The following HTR4 variants were observed in gnomAD, a reference collection of about 807,000 sequenced individuals.
The protein encoded by HTR4 is 5-hydroxytryptamine (serotonin) receptor 4, G protein-coupled.
In HTR4, 16 loss-of-function variants were observed where a neutral mutation model predicts 36.8. The observed-to-expected ratio is 0.43, with a 90% confidence interval of 0.29 to 0.66. The LOEUF (loss-of-function observed/expected upper bound fraction) is 0.66. Ranked by LOEUF, HTR4 falls within the 30% of genes least tolerant of loss-of-function variation. The pLI, the probability that HTR4 is intolerant of heterozygous loss-of-function variation, is 0.13. For missense variants in HTR4, 438 were observed against 490.9 expected (o/e 0.89, Z 1.02); for synonymous variants, 189 against 185.1 (o/e 1.02, Z -0.17).
chr5:148,620,366 T>C (rs1257147122), intron 2 of HTR4, among the ~76,000 whole-genome samples: 1 of 152,212 alleles, frequency 6.6e-6, no homozygotes, highest in Non-Finnish European at 1.5e-5. Flanking sequence ...CCAGTGGGGA[T>C]GGCAGTAGGA....
intron 2 of HTR4, among the ~76,000 whole-genome samples, chr5:148,604,484 T>A (rs1382228457): frequency 1.3e-5 from 2 of 152,190 alleles, no homozygotes; most frequent in Non-Finnish European, 2.9e-5. Context: ...GCCTGTGATC[T>A]AAGCAAACCT....
chr5:148,644,906 A>C (rs1235572113), intron 1 of HTR4: 2 of 152,186 alleles, frequency 1.3e-5, no homozygotes, highest in Admixed American at 6.5e-5. Flanking sequence ...CAGGGAAATG[A>C]AGCAACACCA....
chr5:148,614,672 T>G (rs1348460687), intron 2 of HTR4, among the ~76,000 whole-genome samples: 1 of 151,946 alleles, frequency 6.6e-6, no homozygotes, highest in Non-Finnish European at 1.5e-5. Flanking sequence ...AAAGACAAAA[T>G]TGACAAATGG....
At chr5:148,648,718 G>A (rs1392026829) in intron 1 of HTR4, among the ~76,000 whole-genome samples, 3 of 151,752 alleles carry the variant, frequency 2.0e-5, no homozygotes, top group African/African-American at 4.9e-5. Context: ...GGATGAGCCC[G>A]TGGCAACTAT....
chr5:148,644,421 A>ATTTTTTTTTTTTTTTTTT (rs1753815914), intron 1 of HTR4, among the ~76,000 whole-genome samples: 1 of 85,850 alleles, frequency 1.2e-5, no homozygotes, highest in African/African-American at 4.5e-5. Flanking sequence ...CAAGCTCACA[A>ATTTTTTTTTTTTTTTTTT]GTTTTTTTTT....
At chr5:148,558,499 G>A (rs1760055363) in intron 2 of HTR4, among the ~76,000 whole-genome samples, 13 of 152,106 alleles carry the variant, frequency 8.5e-5, no homozygotes, top group Admixed American at 7.9e-4. Flanking sequence ...TTACAAGCTA[G>A]GACTGCCATT....
intron 2 of HTR4, among the ~76,000 whole-genome samples, chr5:148,584,653 G>A (rs1369609493): frequency 1.3e-5 from 2 of 152,090 alleles, no homozygotes; most frequent in Non-Finnish European, 2.9e-5. Context: ...TTGTTTGGGG[G>A]CACCAATATG....
chr5:148,607,430 C>T (rs1012920396), intron 2 of HTR4, among the ~76,000 whole-genome samples: 2 of 152,190 alleles, frequency 1.3e-5, no homozygotes, highest in African/African-American at 2.4e-5. Context: ...CATGAATTGA[C>T]TGAAGATACT....
At chr5:148,457,699 T>G (rs956319584) in intron 5 of HTR4, among the ~76,000 whole-genome samples, 1 of 146,386 alleles carries the variant, frequency 6.8e-6, no homozygotes, top group Admixed American at 6.9e-5. Flanking sequence ...TTTTGATATA[T>G]CATTAAAATA....
intron 1 of HTR4, among the ~76,000 whole-genome samples, chr5:148,639,276 A>G (rs1213088363): frequency 1.3e-5 from 2 of 151,994 alleles, no homozygotes; most frequent in Admixed American, 6.6e-5. Flanking sequence ...CACACTTAGC[A>G]TACAATCCAA....
At chr5:148,456,680 G>C (rs578034560) in intron 5 of HTR4, among the ~76,000 whole-genome samples, 2 of 152,310 alleles carry the variant, frequency 1.3e-5, no homozygotes, top group South Asian at 4.1e-4. Flanking sequence ...TTCAGAAAAT[G>C]TGAGTTTCCT....
chr5:148,576,129 A>AAAAAAAAAAT (rs1760904399), intron 2 of HTR4, among the ~76,000 whole-genome samples: 1 of 143,880 alleles, frequency 7.0e-6, no homozygotes, highest in Non-Finnish European at 1.5e-5. Flanking sequence ...AAAAAAAAAA[A>AAAAAAAAAAT]AAAACAAAAT....
At chr5:148,646,043 G>T (rs1273425969) in intron 1 of HTR4, 1 of 152,240 alleles carries the variant, frequency 6.6e-6, no homozygotes, top group Non-Finnish European at 1.5e-5. Context: ...GAATTATGCT[G>T]TTGACAGCAG....
At chr5:148,474,176 C>T (rs886970940), downstream of HTR4, among the ~76,000 whole-genome samples, 2 of 152,158 alleles carry the variant, frequency 1.3e-5, no homozygotes, top group African/African-American at 2.4e-5. Context: ...CTCTGCTCAG[C>T]GAGCCAAGGC....
chr5:148,636,327 T>G (rs1753534492), intron 2 of HTR4, among the ~76,000 whole-genome samples: 1 of 152,224 alleles, frequency 6.6e-6, no homozygotes, highest in South Asian at 2.1e-4. Flanking sequence ...TTCCAGCTAC[T>G]GATATCTATG....
intron 2 of HTR4, among the ~76,000 whole-genome samples, chr5:148,632,482 T>TA (rs1753358710): frequency 6.6e-6 from 1 of 152,040 alleles, no homozygotes; most frequent in Non-Finnish European, 1.5e-5. Flanking sequence ...AGCAAGAGGA[T>TA]AGAGAGCTCA....
chr5:148,519,479 G>T (rs1358812368), intron 5 of HTR4, among the ~76,000 whole-genome samples: 1 of 152,180 alleles, frequency 6.6e-6, no homozygotes, highest in African/African-American at 2.4e-5. Flanking sequence ...GTAGGTTTCT[G>T]CCTTGGGCAT....
chr5:148,638,110 A>T (rs1753610171), intron 1 of HTR4, among the ~76,000 whole-genome samples: 1 of 152,210 alleles, frequency 6.6e-6, no homozygotes, highest in Non-Finnish European at 1.5e-5. Context: ...GGGTGAGCTA[A>T]ACAGATGTGG....
intron 2 of HTR4, among the ~76,000 whole-genome samples, chr5:148,565,062 A>G (rs2113871967): frequency 6.6e-6 from 1 of 151,574 alleles, no homozygotes; most frequent in East Asian, 1.9e-4. Flanking sequence ...GTAAGCCAAT[A>G]TCACACCACT....
Sources: gnomAD v4.1 joint callset for allele counts (sites outside exome capture counted in the v4.1 genomes callset) on GRCh38, gnomAD v4.1.1 for gene constraint, MANE v1.5 for transcripts, NCBI Gene and HGNC (gene_info 2026-07-23, HGNC 2026-07-21) for gene names.